Variants in CSNK1A1 observed in about 807,000 individuals in gnomAD.
The protein encoded by CSNK1A1 is casein kinase I isoform alpha.
CSNK1A1 carries 7 observed loss-of-function variants against 46.1 expected under a neutral mutation model. The ratio of observed to expected loss-of-function variants is 0.15; its 90% CI spans 0.09 to 0.29. CSNK1A1 has a LOEUF of 0.29. Ranked by LOEUF, CSNK1A1 falls within the 10% of genes least tolerant of loss-of-function variation. The pLI is 1.00. For synonymous variants in CSNK1A1, 137 were observed against 141.5 expected (o/e 0.97, Z 0.23); for missense variants, 96 against 417.1 (o/e 0.23, Z 6.71).
chr5:149,519,776 T>C (rs1297621020), intron 4 of CSNK1A1, among the ~76,000 whole-genome samples: 1 of 152,160 alleles, frequency 6.6e-6, no homozygotes, highest in Non-Finnish European at 1.5e-5. Flanking sequence ...AAGTTACCCT[T>C]TTAAATACAC....
intron 2 of CSNK1A1, among the ~76,000 whole-genome samples, chr5:149,538,779 G>A (rs993803604): frequency 9.2e-5 from 14 of 152,146 alleles, no homozygotes; most frequent in African/African-American, 2.9e-4. Context: ...AAAATTAGCC[G>A]AGTGTGATGG....
intron 2 of CSNK1A1, chr5:149,549,634 A>C: frequency 1.5e-6 from 1 of 652,416 alleles, no homozygotes. Flanking sequence ...TGTTGGAACA[A>C]AAACACAACA....
intron 3 of CSNK1A1, among the ~76,000 whole-genome samples, chr5:149,522,740 T>C (rs1450352348): frequency 6.6e-6 from 1 of 152,226 alleles, no homozygotes; most frequent in Non-Finnish European, 1.5e-5. Flanking sequence ...TGTATCTCCC[T>C]TCCTCAGAAT....
intron 4 of CSNK1A1, among the ~76,000 whole-genome samples, chr5:149,516,898 T>C (rs1026772703): frequency 6.6e-6 from 1 of 152,186 alleles, no homozygotes; most frequent in Admixed American, 6.5e-5. Flanking sequence ...ATTTAAGGTA[T>C]TACAAAGCAT....
At chr5:149,497,377 A>G in intron 9 of CSNK1A1, 2 of 985,954 alleles carry the variant, frequency 2.0e-6, no homozygotes, top group Non-Finnish European at 2.4e-6. Flanking sequence ...CTGTAGAGAA[A>G]CCTTAGACCT....
intron 2 of CSNK1A1, among the ~76,000 whole-genome samples, chr5:149,543,773 A>G (rs1490993334): frequency 6.6e-6 from 1 of 152,208 alleles, no homozygotes; most frequent in East Asian, 1.9e-4. Flanking sequence ...CTGCAGTCCT[A>G]GCTACTCAGG....
chr5:149,549,471 G>T, intron 2 of CSNK1A1: 1 of 702,466 alleles, frequency 1.4e-6, no homozygotes, highest in Non-Finnish European at 2.6e-6. Flanking sequence ...GCCTCCTGCA[G>T]CTTTATTCTT....
intron 2 of CSNK1A1, among the ~76,000 whole-genome samples, chr5:149,534,504 A>G (rs1381939901): frequency 3.6e-5 from 5 of 137,864 alleles, no homozygotes; most frequent in Non-Finnish European, 8.0e-5. Flanking sequence ...AAAAAAAAAA[A>G]AAAAGAAGGC....
chr5:149,547,500 GA>G (rs1762518771), intron 2 of CSNK1A1, among the ~76,000 whole-genome samples: 1 of 152,130 alleles, frequency 6.6e-6, no homozygotes, highest in Non-Finnish European at 1.5e-5. Context: ...CCTGATTTGT[GA>G]AATTTATAAA....
intron 3 of CSNK1A1, among the ~76,000 whole-genome samples, chr5:149,524,383 A>G (rs1761668345): frequency 6.6e-6 from 1 of 152,138 alleles, no homozygotes. Context: ...ATATTTACCA[A>G]TCATTACCTT....
In CSNK1A1 at chr5:149,550,780, G is replaced by A; in HGVS notation, c.123+62C>T. 7.5e-6 allele frequency: 12 copies of A among 1,609,124 alleles called. No homozygotes were observed. Among genetic ancestry groups the A allele is most frequent in the Non-Finnish European group, 1.0e-5 (12 of 1,176,764 alleles). On this transcript the variant is annotated intron_variant, in intron 1 of 9. Transcript: ENST00000377843. This position sits in a 1 kb window ranked among gnomAD's most constrained non-coding sequence, Gnocchi z 4.3. ...GGCCCGAGCACTTTGGGGGTGCACG[G>A]TGGTGGTGGGGGGAATGAGTAAAAG...
At chr5:149,526,195 G>A (rs1205889212) in intron 2 of CSNK1A1, among the ~76,000 whole-genome samples, 3 of 152,062 alleles carry the variant, frequency 2.0e-5, no homozygotes, top group Non-Finnish European at 2.9e-5. Flanking sequence ...CTGGGGTGCA[G>A]TGGCAAATCA....
At chr5:149,514,909 C>T (rs1761353719) in intron 4 of CSNK1A1, among the ~76,000 whole-genome samples, 1 of 152,120 alleles carries the variant, frequency 6.6e-6, no homozygotes, top group Admixed American at 6.6e-5. Flanking sequence ...AAAGATTAAA[C>T]TCCCTTCCTA....
chr5:149,532,937 A>T (rs929506232), intron 2 of CSNK1A1, among the ~76,000 whole-genome samples: 16 of 152,332 alleles, frequency 1.1e-4, no homozygotes, highest in African/African-American at 3.6e-4. Flanking sequence ...CTGTAGAATA[A>T]GATCTAATAT....
At chr5:149,513,813 T>A (rs577552571) in intron 4 of CSNK1A1, among the ~76,000 whole-genome samples, 1 of 151,372 alleles carries the variant, frequency 6.6e-6, no homozygotes, top group South Asian at 2.1e-4. Context: ...GGCAGGAGAA[T>A]CGCTTGAACC....
At position 149,550,413 on chromosome 5, in the gene CSNK1A1, GAA is replaced by G; in HGVS notation, c.124-234_124-233del. On this transcript the variant is annotated intron_variant, in intron 1 of 9. Coordinates refer to ENST00000377843, the MANE Select transcript of CSNK1A1 (RefSeq NM_001892.6). The surrounding 1 kb of genome is among the most constrained non-coding windows in gnomAD (Gnocchi z 4.3). Reference sequence around the variant, plus strand: ...AAAGTGCAGGAAAATGATTCATCCAGAAAAAAGAGGCAACCTCTGAACGTAGT... The same window carrying G: ...AAAGTGCAGGAAAATGATTCATCCAGAAAAGAGGCAACCTCTGAACGTAGT... 1 of 1,260,732 alleles carries G rather than the reference GAA, an allele frequency of 7.9e-7. No individual in the cohort carries two copies. Among genetic ancestry groups the G allele is most frequent in the South Asian group, 2.0e-5 (1 of 48,834 alleles). The allele number at this position is 1,260,732 out of a possible 1,614,324, so 78.1% of individuals were successfully genotyped here. A position where few individuals can be genotyped will look rare whatever the true frequency, so the allele number is the denominator to read the frequency against.
intron 4 of CSNK1A1, among the ~76,000 whole-genome samples, chr5:149,515,575 A>G (rs1007864876): frequency 6.6e-6 from 1 of 152,244 alleles, no homozygotes; most frequent in African/African-American, 2.4e-5. Flanking sequence ...AAAAAATGTT[A>G]GTACTGAACA....
chr5:149,545,546 G>A, intron 2 of CSNK1A1: 2 of 672,442 alleles, frequency 3.0e-6, no homozygotes, highest in South Asian at 1.5e-5. Flanking sequence ...AGCTTGGGGT[G>A]GACAATGTAG....
At chr5:149,497,159 T>A (rs1416932853) in intron 9 of CSNK1A1, 10 of 1,133,260 alleles carry the variant, frequency 8.8e-6, no homozygotes, top group Non-Finnish European at 1.1e-5. Flanking sequence ...CATTTTTACA[T>A]ATGCAGAACA....
Sources: allele counts gnomAD v4.1 joint callset (sites outside exome capture counted in the v4.1 genomes callset), GRCh38; gene constraint gnomAD v4.1.1; non-coding constraint Gnocchi (gnomAD v3.1); transcripts MANE v1.5; gene names NCBI Gene and HGNC (gene_info 2026-07-23, HGNC 2026-07-21).